The following SLC6A19 variants were observed in gnomAD, a reference collection of about 807,000 sequenced individuals.
The protein encoded by SLC6A19 is sodium-dependent neutral amino acid transporter B(0)AT1.
A neutral mutation model predicts 68.3 loss-of-function variants in SLC6A19; 67 were observed. The observed-to-expected ratio is 0.98, with a 90% CI of 0.81 to 1.20. The LOEUF (loss-of-function observed/expected upper bound fraction) is 1.20, where lower values mean the gene tolerates loss of function less well. Ranked by LOEUF, SLC6A19 falls within the 50% of genes most tolerant of loss-of-function variation. The pLI is 0.00. For missense variants in SLC6A19, 813 were observed against 851.6 expected (o/e 0.95, Z 0.56); for synonymous variants, 392 against 374.9 (o/e 1.05, Z -0.53).
chr5:1,221,657 C>G lies in SLC6A19; in HGVS notation c.1702-44C>G, dbSNP rs767762262. On this transcript the variant is annotated intron_variant, in intron 11 of 11. Coordinates refer to ENST00000304460, the MANE Select transcript of SLC6A19 (RefSeq NM_001003841.3). ...GGCCTTTGCCTCAAAGTGAACCCCA[C>G]TGGCTCCCGGGATGCCTACTCACCC... 8 of 1,610,426 alleles carry G rather than the reference C, an allele frequency of 5.0e-6. No individual in the cohort carries two copies. The South Asian group carries it at 7.7e-5, about 16-fold the overall frequency.
chr5:1,210,226 C>T (rs941466511), intron 2 of SLC6A19, among the ~76,000 whole-genome samples: 5 of 134,772 alleles, frequency 3.7e-5, no homozygotes, highest in Non-Finnish European at 6.4e-5. Context: ...GCAGGGCAGG[C>T]GTGTGCCAGG....
rs200597791 is a variant in SLC6A19 at position 1,213,552 on chromosome 5, C to T, written c.753C>T (p.Ile251=). The T allele has an allele frequency of 8.1e-6, 13 of 1,611,636 alleles. No homozygotes were observed. The highest frequency in any genetic ancestry group is 1.6e-4 in the Middle Eastern group (1 of 6,068). The change falls in exon 5 of 12, where the codon ATC becomes ATT. Residue 251 remains isoleucine, a synonymous_variant. Transcript: ENST00000304460. ...CGCTGAAGGGCGCCACCAATGGCAT[C>T]GTCTTCCTCTTCACGCCCAACGTAA... ...GLTLKGATNG[I]VFLFTPNVTE... is the part of the protein sequence containing the mutation.
Position 1,222,161 on chromosome 5 carries a change from T to C in SLC6A19, c.*257T>C, listed in dbSNP as rs1161943531. On this transcript the variant is annotated 3_prime_UTR_variant, in exon 12 of 12. Transcript: ENST00000304460. The stretch of plus-strand genomic sequence containing the variant: ...TGTGGGTGTGTGTATTGTATGTGCA[T>C]GTGCCATGTGTGCAGATGTGTCATG... 1 of 599,472 alleles carries C rather than the reference T, an allele frequency of 1.7e-6. No homozygotes were observed. The highest frequency in any genetic ancestry group is 2.8e-5 in the East Asian group (1 of 36,280). 37.1% of individuals were successfully genotyped at this position (599,472 alleles called of 1,614,324 possible). A position where few individuals can be genotyped will look rare whatever the true frequency, so the allele number is the denominator to read the frequency against.
rs1746389224 is a variant in SLC6A19, at chr5:1,221,789, TC to T, written c.1793del (p.Pro598LeufsTer23). ...VIVAGVPSLT[I>X]PGYAIYKLIR... ...GTGGCTGGAGTGCCCTCCCTCACCA[TC>T]CCTGGCTATGCCATCTACAAGCTCA... On this transcript the variant is annotated frameshift_variant, in exon 12 of 12. Transcript: ENST00000304460. LOFTEE classifies it low-confidence loss of function (END_TRUNC). The T allele has an allele frequency of 6.2e-7, 1 of 1,614,024 alleles. No homozygotes were observed. Among genetic ancestry groups the T allele is most frequent in the Admixed American group, 1.7e-5 (1 of 60,010 alleles).
Position 1,222,236 on chromosome 5 carries a change from G to T in SLC6A19, c.*332G>T, listed in dbSNP as rs1746408047. ...GGACATTGTGTGAGTGTGCAAGTGT[G>T]CATGCATATACATGTGTGCGATATT... is the stretch of plus-strand genomic sequence containing the variant. On this transcript the variant is annotated 3_prime_UTR_variant, in exon 12 of 12. Coordinates refer to ENST00000304460, the MANE Select transcript of SLC6A19 (RefSeq NM_001003841.3). 1 of 579,608 alleles carries T rather than the reference G, an allele frequency of 1.7e-6. No homozygotes were observed. The highest frequency in any genetic ancestry group is 3.1e-6 in the Non-Finnish European group (1 of 326,800). 35.9% of individuals were successfully genotyped at this position (579,608 alleles called of 1,614,324 possible). A position where few individuals can be genotyped will look rare whatever the true frequency, so the allele number is the denominator to read the frequency against.
intron 10 of SLC6A19, among the ~76,000 whole-genome samples, 198 bp downstream of exon 10, chr5:1,219,862 A>G (rs1746321140): frequency 6.6e-6 from 1 of 152,102 alleles, no homozygotes; most frequent in Non-Finnish European, 1.5e-5. Context: ...CATGCCGATA[A>G]TGGGAGCTTT....
At chr5:1,221,465 C>T (rs2126515539) in intron 11 of SLC6A19, 152 bp downstream of exon 11, 2 of 1,094,706 alleles carry the variant, frequency 1.8e-6, no homozygotes, top group Admixed American at 2.0e-5. Context: ...CAGCCACCAC[C>T]CCACGCATCT....
chr5:1,219,989 T>C (rs1746326007), intron 10 of SLC6A19, among the ~76,000 whole-genome samples: 1 of 152,104 alleles, frequency 6.6e-6, no homozygotes, highest in Non-Finnish European at 1.5e-5. Flanking sequence ...TGTGTGTGTG[T>C]GTGTGCAGGG....
At chr5:1,202,159 G>C (rs904660575) in intron 1 of SLC6A19, among the ~76,000 whole-genome samples, 1 of 152,216 alleles carries the variant, frequency 6.6e-6, no homozygotes, top group Non-Finnish European at 1.5e-5. Flanking sequence ...CGGGGGAAGG[G>C]TGTTTCTCCC....
intron 11 of SLC6A19, among the ~76,000 whole-genome samples, 176 bp downstream of exon 11, chr5:1,221,489 C>T (rs1746380958): frequency 6.6e-6 from 1 of 152,152 alleles, no homozygotes. Context: ...TGGTTCCCCC[C>T]TCCCTGACAC....
chr5:1,212,718 T>C lies in SLC6A19; in HGVS notation c.663+234T>C, dbSNP rs902871195. Among the ~76,000 whole-genome samples, 7 of 152,074 alleles carry C rather than the reference T, an allele frequency of 4.6e-5. No individual in the cohort carries two copies. The highest frequency in any genetic ancestry group is 9.7e-5 in the African/African-American group (4 of 41,378). On this transcript the variant is annotated intron_variant, in intron 4 of 11. Coordinates refer to ENST00000304460, the MANE Select transcript of SLC6A19 (RefSeq NM_001003841.3). The surrounding 1 kb of genome is among the most constrained non-coding windows in gnomAD (Gnocchi z 5.1). ...ACTTGGGGCTCCAGGAACTTGACGTTGGCCCACACGACACTTAGCGTTATG... is the reference window on the plus strand; with the variant it reads ...ACTTGGGGCTCCAGGAACTTGACGTCGGCCCACACGACACTTAGCGTTATG...
intron 5 of SLC6A19, 107 bp from the exon 6 acceptor site, chr5:1,213,846 A>G (rs1746124230): frequency 6.4e-7 from 1 of 1,567,892 alleles, no homozygotes; most frequent in South Asian, 1.1e-5. Context: ...GCCTGTCCTG[A>G]CCACCCCAAT....
At chr5:1,213,907 G>T in intron 5 of SLC6A19, 46 bp from the exon 6 acceptor site, 1 of 1,609,104 alleles carries the variant, frequency 6.2e-7, no homozygotes. Context: ...AGGTCCCCAT[G>T]GCCCCATCTG....
rs185874800 is a variant in SLC6A19 at position 1,209,391 on chromosome 5, C to A, written c.343+505C>A. Among the ~76,000 whole-genome samples, 1 of 152,122 alleles carries A rather than the reference C, an allele frequency of 6.6e-6. No homozygotes were observed. Among genetic ancestry groups the A allele is most frequent in the Non-Finnish European group, 1.5e-5 (1 of 68,014 alleles). On this transcript the variant is annotated intron_variant, in intron 2 of 11. Coordinates refer to ENST00000304460, the MANE Select transcript of SLC6A19 (RefSeq NM_001003841.3). This position sits in a 1 kb window ranked among gnomAD's most constrained non-coding sequence, Gnocchi z 5.5. Reference sequence around the variant, plus strand: ...CAGAATATGGGCAGACGGTGAAAGACGGAGGAGGAAAGGGCAGGGTCCACT... The same window carrying A: ...CAGAATATGGGCAGACGGTGAAAGAAGGAGGAGGAAAGGGCAGGGTCCACT...
intron 1 of SLC6A19, among the ~76,000 whole-genome samples, chr5:1,202,142 G>A (rs917266069): frequency 6.6e-6 from 1 of 152,328 alleles, no homozygotes; most frequent in South Asian, 2.1e-4. Flanking sequence ...TGGCCTGAGG[G>A]TGGGGCCGGG....
Position 1,209,025 on chromosome 5 carries a change from T to C in SLC6A19, c.343+139T>C. On this transcript the variant is annotated intron_variant, in intron 2 of 11. Coordinates refer to ENST00000304460, the MANE Select transcript of SLC6A19 (RefSeq NM_001003841.3). The surrounding 1 kb of genome is among the most constrained non-coding windows in gnomAD (Gnocchi z 5.5). Reference sequence around the variant, plus strand: ...CTGTCTGTTTCTGGTGCAACAAAGGTCCCAGCTTCATCTCCTGGAGGCCTT... The same window carrying C: ...CTGTCTGTTTCTGGTGCAACAAAGGCCCCAGCTTCATCTCCTGGAGGCCTT... 8.3e-7 allele frequency: 1 copy of C among 1,204,060 alleles called. No individual in the cohort carries two copies. Among genetic ancestry groups the C allele is most frequent in the South Asian group, 1.6e-5 (1 of 64,008 alleles). The allele number at this position is 1,204,060 out of a possible 1,614,324, so 74.6% of individuals were successfully genotyped here. A position where few individuals can be genotyped will look rare whatever the true frequency, so the allele number is the denominator to read the frequency against.
At chr5:1,204,735 C>T (rs1252593510) in intron 1 of SLC6A19, among the ~76,000 whole-genome samples, 1 of 152,212 alleles carries the variant, frequency 6.6e-6, no homozygotes, top group Middle Eastern at 3.2e-3. Flanking sequence ...GTGCGGGAGC[C>T]GGAGGAGCCA....
rs1411422659 is a variant in SLC6A19, at chr5:1,221,979, C to T, written c.*75C>T. 3.2e-5 allele frequency: 48 copies of T among 1,513,464 alleles called. No individual in the cohort carries two copies. The highest frequency in any genetic ancestry group is 2.9e-4 in the African/African-American group (21 of 72,588). 93.8% of individuals were successfully genotyped at this position (1,513,464 alleles called of 1,614,324 possible). ...CCAGCAAGACCTGTGGGGTGGGGGCCGGGCTGCACCTGCATGTGTGTAAGC... is the reference window on the plus strand; with the variant it reads ...CCAGCAAGACCTGTGGGGTGGGGGCTGGGCTGCACCTGCATGTGTGTAAGC... On this transcript the variant is annotated 3_prime_UTR_variant, in exon 12 of 12. Coordinates refer to ENST00000304460, the MANE Select transcript of SLC6A19 (RefSeq NM_001003841.3).
intron 9 of SLC6A19, 39 bp downstream of exon 9, chr5:1,219,146 G>A (rs1209862787): frequency 1.9e-6 from 3 of 1,573,872 alleles, no homozygotes; most frequent in Non-Finnish European, 2.6e-6. Context: ...TGGCAATGGT[G>A]CCACCTGTGG....
Sources: gnomAD v4.1 joint callset for allele counts (sites outside exome capture counted in the v4.1 genomes callset) on GRCh38, gnomAD v4.1.1 for gene constraint, Gnocchi (gnomAD v3.1) non-coding constraint, MANE v1.5 for transcripts, NCBI Gene and HGNC (gene_info 2026-07-23, HGNC 2026-07-21) for gene names.